The following CDKN2B-AS1 variants were observed in gnomAD, a reference collection of about 807,000 sequenced individuals.
CDKN2B-AS1 encodes CDKN2B and CDKN2A antisense cis and trans regulatory RNA 1, also known as CDKN2B antisense RNA 1 (non-protein coding).
chr9:22,053,675 T>G (rs1003584822), intron 3 of CDKN2B-AS1, among the ~76,000 whole-genome samples: 1 of 152,192 alleles, frequency 6.6e-6, no homozygotes, highest in Non-Finnish European at 1.5e-5. Context: ...ATGCTGATGT[T>G]TGGAGCAAGA....
intron 4 of CDKN2B-AS1, among the ~76,000 whole-genome samples, chr9:22,095,165 C>T (rs1249204573): frequency 6.9e-6 from 1 of 144,786 alleles, no homozygotes; most frequent in Non-Finnish European, 1.5e-5. Flanking sequence ...CTGATTGTTC[C>T]TCTGGAAGCT....
chr9:22,029,191 T>C (rs1822365121), intron 1 of CDKN2B-AS1, among the ~76,000 whole-genome samples: 1 of 152,092 alleles, frequency 6.6e-6, no homozygotes, highest in South Asian at 2.1e-4. Flanking sequence ...GACAAAACCA[T>C]TGGTAGACAG....
intron 4 of CDKN2B-AS1, among the ~76,000 whole-genome samples, chr9:22,076,074 A>G (rs1232958456): frequency 6.6e-6 from 1 of 151,406 alleles, no homozygotes; most frequent in Non-Finnish European, 1.5e-5. Flanking sequence ...ATTTTTTTTA[A>G]TGGAGTCTTG....
intron 1 of CDKN2B-AS1, chr9:22,012,386 A>G: frequency 1.1e-6 from 1 of 891,794 alleles, no homozygotes; most frequent in Middle Eastern, 3.3e-4. Flanking sequence ...AGGTGGCATT[A>G]TTGAGCCTTC....
intron 1 of CDKN2B-AS1, among the ~76,000 whole-genome samples, chr9:22,036,520 A>G (rs1324387439): frequency 3.3e-5 from 5 of 152,222 alleles, no homozygotes; most frequent in South Asian, 4.1e-4. Context: ...TTTCACTTCT[A>G]TGCATATTTT....
At chr9:22,113,203 T>G (rs1286031879) in intron 4 of CDKN2B-AS1, among the ~76,000 whole-genome samples, 1 of 152,168 alleles carries the variant, frequency 6.6e-6, no homozygotes, top group Non-Finnish European at 1.5e-5. Context: ...GCTGCAGTTC[T>G]CCCAAGCTGG....
intron 1 of CDKN2B-AS1, among the ~76,000 whole-genome samples, chr9:22,025,534 ATGTG>A (rs1822196641): frequency 6.6e-6 from 1 of 151,942 alleles, no homozygotes; most frequent in South Asian, 2.1e-4. Context: ...CGTTGAAGAG[ATGTG>A]GGAATGGGCA....
At chr9:22,047,237 C>T (rs1823145013) in intron 2 of CDKN2B-AS1, among the ~76,000 whole-genome samples, 1 of 152,020 alleles carries the variant, frequency 6.6e-6, no homozygotes, top group Non-Finnish European at 1.5e-5. Context: ...TTTCCCAAGC[C>T]TTAAAACTAT....
At chr9:22,108,693 A>C (rs940452227) in intron 4 of CDKN2B-AS1, among the ~76,000 whole-genome samples, 1 of 152,246 alleles carries the variant, frequency 6.6e-6, no homozygotes. Context: ...CAATTTAAAA[A>C]GTCTCCCAAA....
rs1820828608 is a variant in CDKN2B-AS1 at position 21,999,420 on chromosome 9, T to C, written n.29+4259T>C. 6.6e-6 allele frequency among the ~76,000 whole-genome samples: 1 copy of C among 151,890 alleles called. No homozygotes were observed. The highest frequency in any genetic ancestry group is 1.5e-5 in the Non-Finnish European group (1 of 67,906). On this transcript the variant is annotated intron_variant and non_coding_transcript_variant, in intron 1 of 4. Coordinates refer to ENST00000650946, the Ensembl canonical transcript of CDKN2B-AS1. This position sits in a 1 kb window ranked among gnomAD's most constrained non-coding sequence, Gnocchi z 4.7. ...CTATAACTCATGTATGTAACATATA[T>C]AATACATATCTTTATATACACATAT...
intron 4 of CDKN2B-AS1, among the ~76,000 whole-genome samples, chr9:22,068,667 G>T (rs1262260665): frequency 2.0e-5 from 3 of 152,206 alleles, no homozygotes; most frequent in African/African-American, 7.2e-5. Context: ...GATCAGCATT[G>T]CATTACTGAA....
In CDKN2B-AS1 at chr9:22,089,662, C is replaced by G. The variant is rs372178631; in HGVS notation, n.438+33275C>G. ...ACAAGTTTTCTCCATGTTGCTGAGG[C>G]TGGTCTTGAACTCCTGGGCTCAAGT... On this transcript the variant is annotated intron_variant and non_coding_transcript_variant, in intron 4 of 4. Transcript: ENST00000650946. 4.0e-5 allele frequency among the ~76,000 whole-genome samples: 6 copies of G among 151,848 alleles called. No individual in the cohort carries two copies. In the East Asian group the frequency reaches 7.7e-4, roughly 20 times the overall value.
intron 4 of CDKN2B-AS1, chr9:22,121,209 A>G (rs1369746139): frequency 6.6e-6 from 1 of 152,140 alleles, no homozygotes; most frequent in Non-Finnish European, 1.5e-5. Context: ...AAAAGAGGAA[A>G]TAGCCACTTA....
intron 4 of CDKN2B-AS1, among the ~76,000 whole-genome samples, chr9:22,087,818 A>G (rs1427831142): frequency 6.6e-6 from 1 of 152,210 alleles, no homozygotes; most frequent in Admixed American, 6.5e-5. Flanking sequence ...CTAACTATAA[A>G]TTGAAAACCG....
chr9:22,022,517 A>ATCC (rs1397161980), intron 1 of CDKN2B-AS1, among the ~76,000 whole-genome samples: 3 of 151,802 alleles, frequency 2.0e-5, no homozygotes, highest in Admixed American at 2.0e-4. Flanking sequence ...ATTTTTCTCC[A>ATCC]TCCTTTTATT....
In CDKN2B-AS1 at chr9:22,117,962, G is replaced by GT. The variant is rs1825997085; in HGVS notation, n.439-9140dup. The GT allele has an allele frequency of 4.6e-5, 7 of 152,426 alleles. No individual in the cohort carries two copies. In the South Asian group the frequency reaches 1.4e-3, roughly 32 times the overall value. 9.4% of individuals were successfully genotyped at this position (152,426 alleles called of 1,614,324 possible). A position where few individuals can be genotyped will look rare whatever the true frequency, so the allele number is the denominator to read the frequency against. On this transcript the variant is annotated intron_variant and non_coding_transcript_variant, in intron 4 of 4. Transcript: ENST00000650946. ...CCAATCTAATGAGATTTTACGTCCT[G>GT]TAACAGTGAGGCAATTGGAGTCTCA...
intron 3 of CDKN2B-AS1, among the ~76,000 whole-genome samples, chr9:22,051,235 C>T (rs1323635931): frequency 1.3e-5 from 2 of 152,140 alleles, no homozygotes; most frequent in South Asian, 2.1e-4. Flanking sequence ...ACCTGCTTAT[C>T]GTCCAATCCC....
At chr9:22,008,476 G>T (rs185259888) in intron 1 of CDKN2B-AS1, among the ~76,000 whole-genome samples, 3 of 152,200 alleles carry the variant, frequency 2.0e-5, no homozygotes, top group Non-Finnish European at 2.9e-5. Flanking sequence ...ATCGTTGAAA[G>T]CAGACAGACA....
intron 2 of CDKN2B-AS1, among the ~76,000 whole-genome samples, chr9:22,047,745 G>C (rs1823168962): frequency 6.6e-6 from 1 of 151,616 alleles, no homozygotes. Context: ...TTGCAATCCA[G>C]CTTTGCTGTG....
Sources: gnomAD v4.1 joint callset for allele counts (sites outside exome capture counted in the v4.1 genomes callset) on GRCh38, gnomAD v4.1.1 for gene constraint, Gnocchi (gnomAD v3.1) non-coding constraint, MANE v1.5 for transcripts, NCBI Gene and HGNC (gene_info 2026-07-23, HGNC 2026-07-21) for gene names.